Variants in CENPE observed in about 807,000 individuals in gnomAD.
The protein encoded by CENPE is centromere-associated protein E.
A neutral mutation model predicts 336.1 loss-of-function variants in CENPE; 145 were observed. The observed-to-expected ratio is 0.43, with a 90% CI of 0.38 to 0.50. CENPE has a LOEUF of 0.50. Ranked by LOEUF, CENPE falls within the 20% of genes least tolerant of loss-of-function variation. The pLI is 0.00. For synonymous variants in CENPE, 1,013 were observed against 984.8 expected, an observed-to-expected ratio of 1.03 and a Z score of -0.54; for missense variants, 2,719 against 3,023.3, an observed-to-expected ratio of 0.90 and a Z score of 2.36.
At chr4:103,144,667 A>G in intron 32 of CENPE, 49 bp from the exon 33 acceptor site, 1 of 1,289,138 alleles carries the variant, frequency 7.8e-7, no homozygotes, top group Non-Finnish European at 1.1e-6. Context: ...TTTTTTTAGG[A>G]AAAGGAAGAA....
At position 103,147,698 on chromosome 4, in the gene CENPE, A is replaced by AT. The variant is rs373808202; in HGVS notation, c.3844-53dup. ...TTACTATCAGGAGATTATGATCATA[A>AT]TTTTTTTTTTTTTGAGACGGCATCT... On this transcript the variant is annotated intron_variant, in intron 28 of 48. Coordinates refer to ENST00000265148, the MANE Select transcript of CENPE (RefSeq NM_001813.3). The AT allele has an allele frequency of 0.089, 95,133 of 1,068,712 alleles. No individual in the cohort carries two copies. The highest frequency in any genetic ancestry group is 0.096 in the South Asian group (5,074 of 53,130). 66.2% of individuals were successfully genotyped at this position (1,068,712 alleles called of 1,614,324 possible). A position where few individuals can be genotyped will look rare whatever the true frequency, so the allele number is the denominator to read the frequency against.
At chr4:103,154,538 A>G (rs1174348473) in intron 24 of CENPE, among the ~76,000 whole-genome samples, 1 of 152,160 alleles carries the variant, frequency 6.6e-6, no homozygotes, top group Non-Finnish European at 1.5e-5. Flanking sequence ...AGCTAACTAC[A>G]TGAGAAATTA....
intron 46 of CENPE, among the ~76,000 whole-genome samples, chr4:103,111,224 C>A (rs1405848950): frequency 6.6e-6 from 1 of 152,160 alleles, no homozygotes; most frequent in African/African-American, 2.4e-5. Context: ...TCCCCCTCAA[C>A]CAATTCCACT....
rs745496238 is a variant in CENPE, at chr4:103,147,491, C to T, written c.3999G>A (p.Leu1333=). The part of the protein sequence containing the change: ...LARIEMERLR[L]NEKFQESQEE... ...CCTGACTTTCTTGAAATTTTTCATT[C>T]AACCTGAGCCTTTCCATTTCTATTC... Residue 1333 remains leucine (L), a synonymous_variant, in exon 29 of 49, where the codon TTG becomes TTA. Coordinates refer to ENST00000265148, the MANE Select transcript of CENPE (RefSeq NM_001813.3). The T allele has an allele frequency of 6.2e-7, 1 of 1,613,940 alleles. No homozygotes were observed. Among genetic ancestry groups the T allele is most frequent in the African/African-American group, 1.3e-5 (1 of 74,896 alleles).
chr4:103,154,501 G>A (rs1753813059), intron 24 of CENPE, among the ~76,000 whole-genome samples: 1 of 152,030 alleles, frequency 6.6e-6, no homozygotes, highest in South Asian at 2.1e-4. Flanking sequence ...ATATGCATGA[G>A]CTTCTAGAAG....
chr4:103,161,477 G>C lies in CENPE; in HGVS notation c.1843-20C>G. Reference sequence around the variant, plus strand: ...GCTTTCCTAGACAGATGACAAAAGGGGTTCACTGAAATCTAATTTTCACAG... The same window carrying C: ...GCTTTCCTAGACAGATGACAAAAGGCGTTCACTGAAATCTAATTTTCACAG... On this transcript the variant is annotated intron_variant, in intron 18 of 48. Coordinates refer to ENST00000265148, the MANE Select transcript of CENPE (RefSeq NM_001813.3). 1 of 1,534,114 alleles carries C rather than the reference G, an allele frequency of 6.5e-7. No individual in the cohort carries two copies. The highest frequency in any genetic ancestry group is 2.3e-5 in the East Asian group (1 of 43,128).
intron 11 of CENPE, 130 bp downstream of exon 11, chr4:103,182,632 T>C: frequency 1.5e-6 from 1 of 665,094 alleles, no homozygotes; most frequent in Non-Finnish European, 2.3e-6. Context: ...AGAAATGCTA[T>C]TTAGTAGACA....
At chr4:103,198,143 G>C (rs374498074) in intron 1 of CENPE, 121 bp downstream of exon 1, 4 of 888,320 alleles carry the variant, frequency 4.5e-6, no homozygotes, top group African/African-American at 3.4e-5. Flanking sequence ...GCCAGCAGCC[G>C]AGTCACTAGA....
intron 35 of CENPE, 54 bp downstream of exon 35, chr4:103,141,696 T>A: frequency 7.7e-7 from 1 of 1,299,888 alleles, no homozygotes; most frequent in East Asian, 2.4e-5. Context: ...TCCCCAACAA[T>A]TTTAGGCACA....
intron 8 of CENPE, among the ~76,000 whole-genome samples, chr4:103,189,095 A>G (rs1757064525): frequency 6.6e-6 from 1 of 152,264 alleles, no homozygotes; most frequent in Non-Finnish European, 1.5e-5. Flanking sequence ...TAAATCAGGA[A>G]GAAGTGAATC....
Position 103,107,032 on chromosome 4 carries a change from C to T in CENPE, c.8012-716G>A, listed in dbSNP as rs537541625. On this transcript the variant is annotated intron_variant, in intron 48 of 48. Transcript: ENST00000265148. Reference sequence around the variant, plus strand: ...AAAAGGACTCAAACATTTTTATTTGCAGTTTGATGAATTCACATTATGCAT... The same window carrying T: ...AAAAGGACTCAAACATTTTTATTTGTAGTTTGATGAATTCACATTATGCAT... 3.9e-5 allele frequency among the ~76,000 whole-genome samples: 6 copies of T among 152,246 alleles called. No homozygotes were observed. In the East Asian group the frequency reaches 7.7e-4, roughly 20 times the overall value.
chr4:103,140,935 T>C lies in CENPE; in HGVS notation c.5633A>G (p.His1878Arg), dbSNP rs772858189. 1.2e-6 allele frequency: 2 copies of C among 1,612,844 alleles called. No homozygotes were observed. The highest frequency in any genetic ancestry group is 1.1e-5 in the South Asian group (1 of 90,960). The change falls in exon 36 of 49, where the codon CAT becomes CGT. Residue 1878 changes from histidine (H) to arginine (R), a missense_variant. His to Arg is a conservative substitution (Grantham distance 29). Around this residue, in one of 5 missense-constraint regions of CENPE, gnomAD observed 2,437 missense variants for 2,513.3 expected, o/e 0.97. Transcript: ENST00000265148. Reference sequence around the variant, plus strand: ...AGATTTCATTTCTTCAAGGTTTTCATGAAGTTTCTGAGCCAAATTTAAATT... The same window carrying C: ...AGATTTCATTTCTTCAAGGTTTTCACGAAGTTTCTGAGCCAAATTTAAATT... Reference protein sequence around the residue: ...IENLNLAQKLHENLEEMKSVM... With the variant: ...IENLNLAQKLRENLEEMKSVM...
chr4:103,137,322 C>T (rs1752155355), intron 39 of CENPE, among the ~76,000 whole-genome samples: 1 of 152,080 alleles, frequency 6.6e-6, no homozygotes, highest in East Asian at 1.9e-4. Flanking sequence ...TGACTTGAGG[C>T]TATGCAGGTG....
chr4:103,127,109 A>AC (rs1398830100), intron 42 of CENPE, among the ~76,000 whole-genome samples: 3 of 150,850 alleles, frequency 2.0e-5, no homozygotes, highest in Non-Finnish European at 4.4e-5. Context: ...AAAAAAAAAA[A>AC]AAACCAAAAA....
At chr4:103,117,432 A>G (rs557243698) in intron 44 of CENPE, among the ~76,000 whole-genome samples, 8 of 152,056 alleles carry the variant, frequency 5.3e-5, no homozygotes, top group Non-Finnish European at 8.8e-5. Context: ...TCACTGTCCT[A>G]AAAAACCCCG....
At chr4:103,195,691 T>G (rs1345287055) in intron 4 of CENPE, among the ~76,000 whole-genome samples, 1 of 152,144 alleles carries the variant, frequency 6.6e-6, no homozygotes, top group Admixed American at 6.5e-5. Flanking sequence ...GTTGAGAGTA[T>G]TATTGTTGCA....
At chr4:103,113,674 A>G (rs1365316062) in intron 46 of CENPE, among the ~76,000 whole-genome samples, 3 of 146,320 alleles carry the variant, frequency 2.1e-5, no homozygotes, top group African/African-American at 7.5e-5. Flanking sequence ...TATATTTATT[A>G]TGTATACTTA....
intron 8 of CENPE, 76 bp downstream of exon 8, chr4:103,194,153 A>T: frequency 8.9e-7 from 1 of 1,119,856 alleles, no homozygotes; most frequent in Non-Finnish European, 1.3e-6. Flanking sequence ...AGTTCTTATT[A>T]AACCAAACAT....
Position 103,161,386 on chromosome 4 carries a change from C to T in CENPE, c.1914G>A (p.Lys638=), listed in dbSNP as rs762513680. Residue 638 remains lysine (K), a synonymous_variant, in exon 19 of 49, where the codon AAG becomes AAA. Transcript: ENST00000265148. ...FDAETVALDA[K]RESAFLRSEN... ...CACTTCTAAGAAAGGCTGATTCTCT[C>T]TTGGCATCAAGGGCTACAGTTTCAG... 3.1e-6 allele frequency: 5 copies of T among 1,612,468 alleles called. No homozygotes were observed. The African/African-American group carries it at 6.7e-5, about 22-fold the overall frequency.
Sources: allele counts gnomAD v4.1 joint callset (sites outside exome capture counted in the v4.1 genomes callset), GRCh38; gene constraint gnomAD v4.1.1; regional missense constraint gnomAD v4.1.1; transcripts MANE v1.5; gene names NCBI Gene and HGNC (gene_info 2026-07-23, HGNC 2026-07-21).